Variants in FRMD4B observed in about 807,000 individuals in gnomAD.
FRMD4B encodes the protein FERM domain containing 4B.
Under a neutral mutation model 141.5 loss-of-function variants are expected in FRMD4B, and 74 were observed. The ratio of observed to expected loss-of-function variants is 0.52; its 90% CI spans 0.43 to 0.63. FRMD4B has a LOEUF of 0.63. Ranked by LOEUF, FRMD4B falls within the 30% of genes least tolerant of loss-of-function variation. The pLI is 0.00. For synonymous variants in FRMD4B, 506 were observed against 467.9 expected (o/e 1.08, Z -1.05); for missense variants, 1,366 against 1,253.4 (o/e 1.09, Z -1.36).
chr3:69,531,412 A>G (rs1285314777), intron 1 of FRMD4B, among the ~76,000 whole-genome samples: 1 of 152,186 alleles, frequency 6.6e-6, no homozygotes, highest in East Asian at 1.9e-4. Flanking sequence ...AAAAGGAAAG[A>G]ACCATGTGCC....
intron 10 of FRMD4B, 147 bp downstream of exon 10, chr3:69,218,175 C>T (rs1047334052): frequency 2.8e-5 from 16 of 573,176 alleles, no homozygotes; most frequent in East Asian, 1.0e-4. Context: ...AACATTTTAA[C>T]GTAGCAAGTA....
chr3:69,347,078 A>G (rs1217102029), intron 1 of FRMD4B, among the ~76,000 whole-genome samples: 1 of 152,246 alleles, frequency 6.6e-6, no homozygotes, highest in Non-Finnish European at 1.5e-5. Context: ...TGCTGTATTC[A>G]GGAGACCCAT....
chr3:69,361,981 G>C (rs1703483535), intron 1 of FRMD4B, among the ~76,000 whole-genome samples: 1 of 152,076 alleles, frequency 6.6e-6, no homozygotes, highest in Admixed American at 6.5e-5. Flanking sequence ...TGAGAGATCT[G>C]GTTATCCCAC....
At chr3:69,393,343 A>AAAT (rs1704418699) in intron 2 of FRMD4B, among the ~76,000 whole-genome samples, 1 of 151,960 alleles carries the variant, frequency 6.6e-6, no homozygotes, top group South Asian at 2.1e-4. Flanking sequence ...AAAAAAAAAA[A>AAAT]AAGAGCGTCA....
intron 1 of FRMD4B, among the ~76,000 whole-genome samples, chr3:69,355,788 G>A (rs1703298334): frequency 6.6e-6 from 1 of 152,146 alleles, no homozygotes. Flanking sequence ...ACTTTGGGAG[G>A]CTGAGGTTGG....
intron 2 of FRMD4B, among the ~76,000 whole-genome samples, chr3:69,395,826 A>G (rs1487003789): frequency 6.6e-6 from 1 of 152,168 alleles, no homozygotes; most frequent in Non-Finnish European, 1.5e-5. Flanking sequence ...TCAGACTAAG[A>G]GTTCAGGGAG....
intron 7 of FRMD4B, among the ~76,000 whole-genome samples, chr3:69,243,273 T>C (rs758643525): frequency 6.6e-6 from 1 of 152,116 alleles, no homozygotes; most frequent in Non-Finnish European, 1.5e-5. Flanking sequence ...TAAAATACTC[T>C]GAAGGGAACA....
At chr3:69,195,424 G>C in intron 14 of FRMD4B, 60 bp from the exon 15 acceptor site, 1 of 1,399,514 alleles carries the variant, frequency 7.1e-7, no homozygotes, top group South Asian at 1.4e-5. Context: ...TCCTTTCTAA[G>C]GGACAAAGGA....
intron 1 of FRMD4B, among the ~76,000 whole-genome samples, chr3:69,534,660 G>C (rs532661096): frequency 2.6e-4 from 40 of 152,276 alleles, no homozygotes; most frequent in Non-Finnish European, 5.1e-4. Flanking sequence ...TCTCTTTGGG[G>C]CTCATTTTTA....
Position 69,348,066 on chromosome 3 carries a change from CA to C in FRMD4B, c.163-34550del, listed in dbSNP as rs769034976. On this transcript the variant is annotated intron_variant, in intron 1 of 22. Coordinates refer to ENST00000398540, the MANE Select transcript of FRMD4B (RefSeq NM_015123.3). Reference sequence around the variant, plus strand: ...GGAGCTGGTTTTTTGAAAAGATCAACAAAATTGATAGACTGCTAGCAAGACT... The same window carrying C: ...GGAGCTGGTTTTTTGAAAAGATCAACAAATTGATAGACTGCTAGCAAGACT... Among the ~76,000 whole-genome samples, 463 of 152,050 alleles carry C rather than the reference CA, an allele frequency of 3.0e-3. 3 individuals are homozygous for C. The highest frequency in any genetic ancestry group is 7.7e-3 in the Admixed American group (118 of 15,274).
intron 1 of FRMD4B, among the ~76,000 whole-genome samples, chr3:69,453,238 T>C (rs531963823): frequency 4.3e-4 from 66 of 152,314 alleles, no homozygotes; most frequent in Middle Eastern, 3.4e-3. Flanking sequence ...CTATGTACAG[T>C]GCCTTGTGTT....
At chr3:69,285,125 C>T (rs1005690518) in intron 5 of FRMD4B, among the ~76,000 whole-genome samples, 6 of 151,950 alleles carry the variant, frequency 3.9e-5, no homozygotes, top group Non-Finnish European at 7.4e-5. Flanking sequence ...ACTGTGCCAC[C>T]GCACTCCAGC....
chr3:69,403,037 C>A (rs1027309524), intron 2 of FRMD4B, among the ~76,000 whole-genome samples: 8 of 152,124 alleles, frequency 5.3e-5, no homozygotes, highest in African/African-American at 1.7e-4. Flanking sequence ...GATATGCCAG[C>A]AGTAGCTAGA....
At chr3:69,489,303 GTATATAAAATGTATA>G (rs1706267616) in intron 1 of FRMD4B, among the ~76,000 whole-genome samples, 2 of 148,492 alleles carry the variant, frequency 1.3e-5, no homozygotes, top group African/African-American at 4.9e-5. Context: ...TGAGATATAT[GTATATAAAATGTATA>G]CATATATAAA....
chr3:69,371,836 T>A (rs554810937), intron 1 of FRMD4B, among the ~76,000 whole-genome samples: 1 of 152,346 alleles, frequency 6.6e-6, no homozygotes, highest in African/African-American at 2.4e-5. Flanking sequence ...TTTCTTGCTG[T>A]ATCTCCACTG....
chr3:69,535,617 A>T (rs1206307267), intron 1 of FRMD4B: 1 of 185,674 alleles, frequency 5.4e-6, no homozygotes, highest in Middle Eastern at 1.9e-3. Context: ...GAAGAATAAA[A>T]ATCAGGGCAG....
intron 5 of FRMD4B, among the ~76,000 whole-genome samples, chr3:69,280,544 T>A (rs975089685): frequency 6.6e-6 from 1 of 152,242 alleles, no homozygotes; most frequent in African/African-American, 2.4e-5. Context: ...CATCACCATG[T>A]ACAACAACGT....
chr3:69,295,732 G>A (rs1701014796), intron 4 of FRMD4B, among the ~76,000 whole-genome samples: 1 of 152,202 alleles, frequency 6.6e-6, no homozygotes, highest in African/African-American at 2.4e-5. Context: ...CAATAGTGCT[G>A]CTGCAGTGAA....
At chr3:69,446,159 C>G (rs1250128981) in intron 1 of FRMD4B, among the ~76,000 whole-genome samples, 1 of 151,828 alleles carries the variant, frequency 6.6e-6, no homozygotes, top group Non-Finnish European at 1.5e-5. Flanking sequence ...TCCTGAGTAG[C>G]TGGGATTACA....
Sources: allele counts gnomAD v4.1 joint callset (sites outside exome capture counted in the v4.1 genomes callset), GRCh38; gene constraint gnomAD v4.1.1; transcripts MANE v1.5; gene names NCBI Gene and HGNC (gene_info 2026-07-23, HGNC 2026-07-21).